The following DDX60 variants were observed in gnomAD, a reference collection of about 807,000 sequenced individuals.
DDX60 encodes DExD/H-box helicase 60.
In DDX60, 165 loss-of-function variants were observed where a neutral mutation model predicts 212.8. The observed-to-expected ratio is 0.78, with a 90% confidence interval of 0.68 to 0.88. The LOEUF (loss-of-function observed/expected upper bound fraction) is 0.88. DDX60 is among the 40% of genes least tolerant of loss of function. The pLI is 0.00. For missense variants in DDX60, 1,905 were observed against 2,003.9 expected (o/e 0.95, Z 0.94); for synonymous variants, 703 against 685.3 (o/e 1.03, Z -0.40).
intron 1 of DDX60, among the ~76,000 whole-genome samples, chr4:168,315,928 T>G (rs1379567250): frequency 6.6e-6 from 1 of 152,240 alleles, no homozygotes; most frequent in East Asian, 1.9e-4. Context: ...TTATAATCCT[T>G]TGGGTATATA....
At chr4:168,305,963 A>G (rs977685182) in intron 5 of DDX60, among the ~76,000 whole-genome samples, 1 of 152,150 alleles carries the variant, frequency 6.6e-6, no homozygotes, top group East Asian at 1.9e-4. Flanking sequence ...CTGGCCTTCA[A>G]TACCTTGAGG....
At chr4:168,320,749 G>C (rs574272170), upstream of DDX60, among the ~76,000 whole-genome samples, 9 of 152,320 alleles carry the variant, frequency 5.9e-5, no homozygotes, top group African/African-American at 2.2e-4. Context: ...TAAGCAATAT[G>C]CTAATACCAT....
chr4:168,245,520 C>T (rs951432252), intron 30 of DDX60, among the ~76,000 whole-genome samples: 1 of 152,150 alleles, frequency 6.6e-6, no homozygotes, highest in African/African-American at 2.4e-5. Flanking sequence ...AGAAGATGTA[C>T]TCCTCTTTAT....
chr4:168,295,332 A>G (rs1260211422), intron 6 of DDX60, among the ~76,000 whole-genome samples: 3 of 152,210 alleles, frequency 2.0e-5, no homozygotes. Flanking sequence ...GATGAATTGC[A>G]ATGTAACTTA....
At chr4:168,266,910 CTTA>C (rs1164149894) in intron 22 of DDX60, among the ~76,000 whole-genome samples, 3 of 152,076 alleles carry the variant, frequency 2.0e-5, no homozygotes, top group Non-Finnish European at 2.9e-5. Context: ...TGATGGATGT[CTTA>C]TTATGTTTAA....
intron 14 of DDX60, among the ~76,000 whole-genome samples, chr4:168,279,877 C>A (rs752138572): frequency 6.6e-6 from 1 of 152,140 alleles, no homozygotes; most frequent in Non-Finnish European, 1.5e-5. Context: ...GAATACAATT[C>A]TCAGATGGAA....
In DDX60 at chr4:168,275,609, C is replaced by T. The variant is rs1735300056; in HGVS notation, c.2146-106G>A. The T allele has an allele frequency of 4.1e-6, 4 of 980,906 alleles. No individual in the cohort carries two copies. The African/African-American group carries it at 5.0e-5, about 12-fold the overall frequency. The allele number at this position is 980,906 out of a possible 1,614,324, so 60.8% of individuals were successfully genotyped here. A position where few individuals can be genotyped will look rare whatever the true frequency, so the allele number is the denominator to read the frequency against. ...CACTTTCTATGTGAAAAGCATTTTA[C>T]CACCTTTTAAATTTAAATTTTTTAA... On this transcript the variant is annotated intron_variant, in intron 15 of 37. Coordinates refer to ENST00000393743, the MANE Select transcript of DDX60 (RefSeq NM_017631.6).
rs1459680987 is a variant in DDX60, at chr4:168,262,748, G to T, written c.3079C>A (p.Pro1027Thr). ...TCATACAGCTGGATGCTTTCTCGAG[G>T]TGAAAGGGTAAGATCAGGAGGGAAT... is the stretch of plus-strand genomic sequence containing the variant. ...YGFPPDLTLS[P>T]RESIQLYDAM... is the part of the protein sequence containing the mutation. The change falls in exon 23 of 38, where the codon CCT becomes ACT. Residue 1027 changes from proline (P) to threonine (T), a missense_variant. Coordinates refer to ENST00000393743, the MANE Select transcript of DDX60 (RefSeq NM_017631.6). 2 of 1,612,412 alleles carry T rather than the reference G, an allele frequency of 1.2e-6. No homozygotes were observed. Among genetic ancestry groups the T allele is most frequent in the African/African-American group, 1.3e-5 (1 of 74,950 alleles).
rs34647800 is a variant in DDX60 at position 168,317,057 on chromosome 4, C to CAAA, written c.-107+1562_-107+1564dup. On this transcript the variant is annotated intron_variant, in intron 1 of 37. Coordinates refer to ENST00000393743, the MANE Select transcript of DDX60 (RefSeq NM_017631.6). Reference sequence around the variant, plus strand: ...TGGGCAAAAGAGCAAGACTCCGTCTCAAAAAAAAAAAAAAAAAAAGAAGAA... The same window carrying CAAA: ...TGGGCAAAAGAGCAAGACTCCGTCTCAAAAAAAAAAAAAAAAAAAAAAGAAGAA... Among the ~76,000 whole-genome samples, 281 of 48,638 alleles carry CAAA rather than the reference C, an allele frequency of 5.8e-3. 1 individual carries two copies. The highest frequency in any genetic ancestry group is 0.018 in the African/African-American group (187 of 10,142). 31.9% of individuals were successfully genotyped at this position (48,638 alleles called of 152,430 possible).
At chr4:168,286,443 TAG>T (rs1735861982) in intron 10 of DDX60, among the ~76,000 whole-genome samples, 2 of 136,912 alleles carry the variant, frequency 1.5e-5, no homozygotes, top group South Asian at 2.4e-4. Context: ...GATAGATAGA[TAG>T]ATAGATAGAT....
chr4:168,279,036 C>G (rs554149491), intron 14 of DDX60, among the ~76,000 whole-genome samples: 2 of 152,192 alleles, frequency 1.3e-5, no homozygotes, highest in East Asian at 3.9e-4. Flanking sequence ...AAGGAGGCAC[C>G]AAGACATAAA....
intron 15 of DDX60, 42 bp from the exon 16 acceptor site, chr4:168,275,545 TA>T: frequency 6.7e-7 from 1 of 1,500,436 alleles, no homozygotes; most frequent in Non-Finnish European, 9.1e-7. Context: ...GACATTGAAT[TA>T]GAATATCATT....
chr4:168,301,971 C>A (rs1019671627), intron 6 of DDX60, among the ~76,000 whole-genome samples: 4 of 152,094 alleles, frequency 2.6e-5, no homozygotes, highest in African/African-American at 9.7e-5. Flanking sequence ...TCATGAAAGA[C>A]AAGAAAAGAC....
At chr4:168,316,005 G>A (rs1737354397) in intron 1 of DDX60, among the ~76,000 whole-genome samples, 1 of 152,168 alleles carries the variant, frequency 6.6e-6, no homozygotes, top group African/African-American at 2.4e-5. Context: ...TGGCCACGCT[G>A]TCTTCCAAAA....
intron 5 of DDX60, among the ~76,000 whole-genome samples, chr4:168,304,192 G>A (rs931956571): frequency 2.0e-5 from 3 of 152,078 alleles, no homozygotes; most frequent in African/African-American, 7.2e-5. Flanking sequence ...CCAGAAGAAG[G>A]CATTGTTATC....
chr4:168,246,304 A>T, intron 30 of DDX60, 114 bp downstream of exon 30: 1 of 1,225,142 alleles, frequency 8.2e-7, no homozygotes, highest in Non-Finnish European at 1.2e-6. Flanking sequence ...ACAAAACATT[A>T]AAAGACTGAT....
chr4:168,259,985 AAT>A (rs1382050448), intron 25 of DDX60, among the ~76,000 whole-genome samples: 50 of 152,282 alleles, frequency 3.3e-4, no homozygotes, highest in African/African-American at 1.2e-3. Flanking sequence ...AATAAAAAAT[AAT>A]AGTTTACAGT....
At chr4:168,233,683 G>T (rs1055960320) in intron 33 of DDX60, among the ~76,000 whole-genome samples, 1 of 151,986 alleles carries the variant, frequency 6.6e-6, no homozygotes, top group Admixed American at 6.6e-5. Context: ...CATAAAAATG[G>T]TACAATGGAC....
At chr4:168,323,950 C>T in the DDX60 span, among the ~76,000 whole-genome samples, 4 of 152,206 alleles carry the variant, frequency 2.6e-5, no homozygotes, top group Admixed American at 6.5e-5. Context: ...TAGCACATAT[C>T]GTGGTGGTGA....
Sources: allele counts gnomAD v4.1 joint callset (sites outside exome capture counted in the v4.1 genomes callset), GRCh38; gene constraint gnomAD v4.1.1; transcripts MANE v1.5; gene names NCBI Gene and HGNC (gene_info 2026-07-23, HGNC 2026-07-21).